Variants in HYCC1 observed in about 807,000 individuals in gnomAD.
HYCC1 encodes the protein hyccin PI4KA lipid kinase complex subunit 1.
At chr7:22,978,976 T>C in the HYCC1 span, among the ~76,000 whole-genome samples, 30 of 152,194 alleles carry the variant, frequency 2.0e-4, no homozygotes, top group Admixed American at 1.2e-3. Context: ...TAAGACCCTC[T>C]TATAGGTAAG....
At chr7:22,944,297 T>C in the HYCC1 span, 4 of 152,276 alleles carry the variant, frequency 2.6e-5, no homozygotes, top group African/African-American at 9.6e-5. Context: ...ACCGCAACCA[T>C]AGCCAAAAGG....
chr7:22,896,672 AG>A, the HYCC1 span, among the ~76,000 whole-genome samples: 2 of 152,176 alleles, frequency 1.3e-5, no homozygotes, highest in Non-Finnish European at 2.9e-5. Flanking sequence ...GAGAGGAGAA[AG>A]GCCTTTCTCT....
chr7:22,923,849 C>T, the HYCC1 span, among the ~76,000 whole-genome samples: 14 of 151,616 alleles, frequency 9.2e-5, no homozygotes, highest in South Asian at 4.2e-4. Context: ...TACAAACTAC[C>T]GAAAATGATT....
chr7:22,941,808 G>A, the HYCC1 span: 1 of 152,086 alleles, frequency 6.6e-6, no homozygotes, highest in Non-Finnish European at 1.5e-5. Context: ...AGCAACAAAT[G>A]TAGAAGTATA....
the HYCC1 span, among the ~76,000 whole-genome samples, chr7:22,963,970 C>T: frequency 1.5e-4 from 23 of 151,954 alleles, no homozygotes; most frequent in Admixed American, 4.6e-4. Context: ...ACAGACTGAG[C>T]GCCAATATTA....
the HYCC1 span, among the ~76,000 whole-genome samples, chr7:22,998,413 CG>C: frequency 1.3e-5 from 2 of 152,046 alleles, no homozygotes; most frequent in Admixed American, 6.6e-5. Flanking sequence ...TATGGCACTA[CG>C]ATGAGCACTT....
chr7:23,010,606 T>G, the HYCC1 span, among the ~76,000 whole-genome samples: 2 of 152,168 alleles, frequency 1.3e-5, no homozygotes, highest in Non-Finnish European at 2.9e-5. Context: ...TATAAACATA[T>G]GTCAAATATC....
the HYCC1 span, among the ~76,000 whole-genome samples, chr7:22,919,510 C>G: frequency 0.15 from 23,182 of 151,546 alleles, 1,901 homozygotes; most frequent in African/African-American, 0.17. Flanking sequence ...GCCTGGAAAA[C>G]AGAGGAAGAT....
the HYCC1 span, among the ~76,000 whole-genome samples, chr7:22,950,554 A>T: frequency 6.6e-6 from 1 of 152,038 alleles, no homozygotes; most frequent in Non-Finnish European, 1.5e-5. Context: ...TGAATGTGTT[A>T]CTTGACTGGA....
chr7:22,918,039 A>G, the HYCC1 span, among the ~76,000 whole-genome samples: 2 of 152,196 alleles, frequency 1.3e-5, no homozygotes, highest in Admixed American at 1.3e-4. Context: ...CTGCTTAAAA[A>G]AAGAGGACTC....
At chr7:22,928,498 C>T in the HYCC1 span, among the ~76,000 whole-genome samples, 10 of 152,156 alleles carry the variant, frequency 6.6e-5, no homozygotes, top group African/African-American at 9.7e-5. Context: ...TCTCAGGATA[C>T]AAAATCAATG....
chr7:22,927,627 T>A, the HYCC1 span, among the ~76,000 whole-genome samples: 6,385 of 152,238 alleles, frequency 0.042, 198 homozygotes, highest in Non-Finnish European at 0.055. Flanking sequence ...CTCCCAAGAC[T>A]AAACCAGGAA....
chr7:22,954,442 C>T, the HYCC1 span, among the ~76,000 whole-genome samples: 1 of 151,046 alleles, frequency 6.6e-6, no homozygotes, highest in South Asian at 2.1e-4. Flanking sequence ...TACTAAACCA[C>T]TGAATAAGCA....
At chr7:22,966,364 T>C in the HYCC1 span, among the ~76,000 whole-genome samples, 139 of 152,294 alleles carry the variant, frequency 9.1e-4, no homozygotes, top group African/African-American at 3.2e-3. Flanking sequence ...TGATCTTGGT[T>C]CACTGCCACC....
At chr7:22,901,811 CAG>C in the HYCC1 span, among the ~76,000 whole-genome samples, 10 of 152,062 alleles carry the variant, frequency 6.6e-5, no homozygotes, top group South Asian at 1.7e-3. Flanking sequence ...AAGGGAGAAA[CAG>C]ATAATTCTGC....
chr7:22,954,652 T>C, the HYCC1 span, among the ~76,000 whole-genome samples: 2 of 151,686 alleles, frequency 1.3e-5, no homozygotes, highest in African/African-American at 4.8e-5. Flanking sequence ...TTTAGTCTGA[T>C]TGTTCACATA....
At chr7:22,976,288 A>C in the HYCC1 span, 1 of 1,611,640 alleles carries the variant, frequency 6.2e-7, no homozygotes, top group Non-Finnish European at 8.5e-7. Flanking sequence ...CAACAAAAGG[A>C]ATGTCAACAC....
chr7:22,990,978 T>A, the HYCC1 span: 3 of 931,658 alleles, frequency 3.2e-6, no homozygotes, highest in African/African-American at 1.6e-5. Context: ...TTCAGTCATA[T>A]AAAATACAAA....
chr7:22,978,478 A>G, the HYCC1 span: 1 of 1,563,346 alleles, frequency 6.4e-7, no homozygotes, highest in South Asian at 1.1e-5. Flanking sequence ...TTAATTCAAG[A>G]ACTGGACTGT....
Sources: allele counts gnomAD v4.1 joint callset (sites outside exome capture counted in the v4.1 genomes callset), GRCh38; gene constraint gnomAD v4.1.1; transcripts MANE v1.5; gene names NCBI Gene and HGNC (gene_info 2026-07-23, HGNC 2026-07-21).